Variants in ZSWIM6 observed in about 807,000 individuals in gnomAD.
ZSWIM6 encodes the protein zinc finger SWIM domain-containing protein 6.
In ZSWIM6, 9 loss-of-function variants were observed where a neutral mutation model predicts 113.2. The ratio of observed to expected loss-of-function variants is 0.08; its 90% CI spans 0.05 to 0.14. The LOEUF (loss-of-function observed/expected upper bound fraction) is 0.14. ZSWIM6 is among the 10% of genes least tolerant of loss of function. ZSWIM6 has a pLI of 1.00. For synonymous variants in ZSWIM6, 611 were observed against 606.5 expected, an observed-to-expected ratio of 1.01 and a Z score of -0.11; for missense variants, 1,162 against 1,552.2, an observed-to-expected ratio of 0.75 and a Z score of 4.22.
intron 4 of ZSWIM6, among the ~76,000 whole-genome samples, chr5:61,502,500 T>G (rs545180808): frequency 6.6e-6 from 1 of 152,166 alleles, no homozygotes; most frequent in African/African-American, 2.4e-5. Context: ...TTTACCACAT[T>G]ACTACTAGGG....
intron 1 of ZSWIM6, among the ~76,000 whole-genome samples, chr5:61,390,322 A>G (rs1745680166): frequency 6.6e-6 from 1 of 152,236 alleles, no homozygotes; most frequent in Non-Finnish European, 1.5e-5. Context: ...AAGGAATAAA[A>G]TTACTAGAAT....
At chr5:61,523,819 T>C (rs1051841501) in intron 5 of ZSWIM6, among the ~76,000 whole-genome samples, 1 of 152,244 alleles carries the variant, frequency 6.6e-6, no homozygotes, top group Non-Finnish European at 1.5e-5. Flanking sequence ...TTTGTTGTCA[T>C]TGGTTTTATT....
intron 9 of ZSWIM6, among the ~76,000 whole-genome samples, chr5:61,532,571 G>A (rs916182101): frequency 6.6e-6 from 1 of 152,172 alleles, no homozygotes; most frequent in African/African-American, 2.4e-5. Context: ...ATAGGGAAGG[G>A]ATTTAGATTT....
intron 4 of ZSWIM6, among the ~76,000 whole-genome samples, chr5:61,496,385 C>T (rs146927607): frequency 1.3e-5 from 2 of 152,238 alleles, no homozygotes; most frequent in East Asian, 3.9e-4. Context: ...GTAAGTAGCA[C>T]ATCTTAATAT....
intron 1 of ZSWIM6, among the ~76,000 whole-genome samples, chr5:61,452,194 C>T (rs62368667): frequency 0.17 from 26,245 of 152,058 alleles, 3,118 homozygotes; most frequent in Non-Finnish European, 0.27. Flanking sequence ...ACTGTAACCT[C>T]CTACTTTTTT....
At chr5:61,336,852 C>G (rs1037089781) in intron 1 of ZSWIM6, among the ~76,000 whole-genome samples, 3 of 152,064 alleles carry the variant, frequency 2.0e-5, no homozygotes, top group African/African-American at 7.3e-5. Context: ...GCACATTGGA[C>G]CAAAGGTTGG....
At chr5:61,395,603 ATG>A (rs199662545) in intron 1 of ZSWIM6, among the ~76,000 whole-genome samples, 1,728 of 152,340 alleles carry the variant, frequency 0.011, 24 homozygotes, top group African/African-American at 0.038. Flanking sequence ...TTAAAACAAA[ATG>A]GATATCAAAA....
chr5:61,333,005 G>GA, intron 1 of ZSWIM6, 57 bp downstream of exon 1: 1 of 808,390 alleles, frequency 1.2e-6, no homozygotes, highest in Non-Finnish European at 1.6e-6. Context: ...TGGGTGGGGG[G>GA]GGGGTGCCCG....
chr5:61,390,063 A>G (rs1468912704), intron 1 of ZSWIM6, among the ~76,000 whole-genome samples: 1 of 151,968 alleles, frequency 6.6e-6, no homozygotes, highest in African/African-American at 2.4e-5. Context: ...TTCATTCCAT[A>G]TCTTCTTTCC....
chr5:61,446,594 T>C (rs1426462188), intron 1 of ZSWIM6, among the ~76,000 whole-genome samples: 2 of 152,202 alleles, frequency 1.3e-5, no homozygotes, highest in African/African-American at 2.4e-5. Context: ...CCTCAAAATA[T>C]CTAGCAGAGA....
At chr5:61,449,495 G>T (rs1747039521) in intron 1 of ZSWIM6, among the ~76,000 whole-genome samples, 3 of 152,138 alleles carry the variant, frequency 2.0e-5, no homozygotes, top group Non-Finnish European at 4.4e-5. Flanking sequence ...GTCCTGAGTA[G>T]CTGAGATTGC....
intron 2 of ZSWIM6, among the ~76,000 whole-genome samples, chr5:61,476,851 C>T (rs1747718782): frequency 6.6e-6 from 1 of 152,082 alleles, no homozygotes; most frequent in Non-Finnish European, 1.5e-5. Flanking sequence ...GCCTAGAATC[C>T]AATATTGTCT....
chr5:61,350,726 C>T (rs1405935990), intron 1 of ZSWIM6, among the ~76,000 whole-genome samples: 1 of 152,164 alleles, frequency 6.6e-6, no homozygotes, highest in East Asian at 1.9e-4. Flanking sequence ...ATACCTGAGC[C>T]ATTAGGAGGC....
Position 61,531,552 on chromosome 5 carries a change from C to G in ZSWIM6, c.2072C>G (p.Ala691Gly). The G allele has an allele frequency of 6.4e-7, 1 of 1,551,680 alleles. No individual in the cohort carries two copies. The highest frequency in any genetic ancestry group is 8.7e-7 in the Non-Finnish European group (1 of 1,146,978). Residue 691 changes from alanine to glycine, a missense_variant, in exon 9 of 14, where the codon GCT (alanine) becomes GGT (glycine). Physicochemically the swap from Ala to Gly is moderately conservative, Grantham distance 60 (BLOSUM62 0). Coordinates refer to ENST00000252744, the MANE Select transcript of ZSWIM6 (RefSeq NM_020928.2). ...GAAGGGGAATCCTATTTAACGCTGG[C>G]TGTGGAAGTAGCCCTGATAGGGCTA... Reference protein sequence around the residue: ...LEEGESYLTLAVEVALIGLGQ... With the variant: ...LEEGESYLTLGVEVALIGLGQ...
At chr5:61,350,854 G>C (rs191006519) in intron 1 of ZSWIM6, among the ~76,000 whole-genome samples, 5 of 152,306 alleles carry the variant, frequency 3.3e-5, no homozygotes, top group Admixed American at 2.6e-4. Flanking sequence ...AGGCTGCTAA[G>C]AGGCTCACAT....
chr5:61,376,855 G>C (rs1480382328), intron 1 of ZSWIM6, among the ~76,000 whole-genome samples: 1 of 147,954 alleles, frequency 6.8e-6, no homozygotes, highest in East Asian at 2.0e-4. Flanking sequence ...GCTGTCTTAA[G>C]TTCATTACTA....
chr5:61,454,984 T>C (rs1228119490), intron 1 of ZSWIM6, among the ~76,000 whole-genome samples: 2 of 152,032 alleles, frequency 1.3e-5, no homozygotes, highest in African/African-American at 4.8e-5. Flanking sequence ...GGCATTCCTT[T>C]AAGGAGCTTT....
chr5:61,333,032 A>T, intron 1 of ZSWIM6, 84 bp downstream of exon 1: 2 of 1,074,252 alleles, frequency 1.9e-6, no homozygotes, highest in Non-Finnish European at 2.3e-6. Flanking sequence ...TCCTGCGGAC[A>T]GCCCCTAGTT....
At position 61,505,599 on chromosome 5, in the gene ZSWIM6, TTACCTTCCTTCC is replaced by T. The variant is rs1748579987; in HGVS notation, c.1333+11191_1333+11202del. Reference sequence around the variant, plus strand: ...TTAATTGTTTTGGAATATCTATGATTTACCTTCCTTCCTTCCTTCCTTCCTTCCTTCCTTCCT... The same window carrying T: ...TTAATTGTTTTGGAATATCTATGATTTTCCTTCCTTCCTTCCTTCCTTCCT... On this transcript the variant is annotated intron_variant, in intron 4 of 13. Coordinates refer to ENST00000252744, the MANE Select transcript of ZSWIM6 (RefSeq NM_020928.2). Among the ~76,000 whole-genome samples the T allele has an allele frequency of 4.2e-5, 5 of 119,898 alleles. 1 individual carries two copies. The highest frequency in any genetic ancestry group is 2.5e-4 in the East Asian group (1 of 4,052). 78.7% of individuals were successfully genotyped at this position (119,898 alleles called of 152,430 possible).
Sources: allele counts gnomAD v4.1 joint callset (sites outside exome capture counted in the v4.1 genomes callset), GRCh38; gene constraint gnomAD v4.1.1; transcripts MANE v1.5; gene names NCBI Gene and HGNC (gene_info 2026-07-23, HGNC 2026-07-21).